Variants in SMG1 observed in about 807,000 individuals in gnomAD.
SMG1 encodes the protein SMG1 nonsense mediated mRNA decay associated PI3K related kinase.
A neutral mutation model predicts 419.9 loss-of-function variants in SMG1; 22 were observed. That is an observed-to-expected ratio of 0.05 (90% CI 0.04 to 0.07). The LOEUF is 0.07. SMG1 is among the 10% of genes least tolerant of loss of function. The pLI is 1.00. For missense variants in SMG1, 3,185 were observed against 4,342.0 expected, an observed-to-expected ratio of 0.73 and a Z score of 7.49; for synonymous variants, 1,538 against 1,553.5, an observed-to-expected ratio of 0.99 and a Z score of 0.23.
In SMG1 at chr16:18,815,248, G is replaced by T; in HGVS notation, c.10548C>A (p.Pro3516=). 1 of 1,591,062 alleles carries T rather than the reference G, an allele frequency of 6.3e-7. No homozygotes were observed. Among genetic ancestry groups the T allele is most frequent in the Non-Finnish European group, 8.6e-7 (1 of 1,167,938 alleles). Residue 3516 remains proline (P), a synonymous_variant, in exon 60 of 63, where the codon CCC becomes CCA. Coordinates refer to ENST00000446231, the MANE Select transcript of SMG1 (RefSeq NM_015092.5). ...ATTCATTTGTTGCATCGGTGACTAA[G>T]GGTGATGCAAAACTCACTAAATTAT... The part of the protein sequence containing the change: ...IYNNLVSFAS[P]LVTDATNECS...
At position 18,812,160 on chromosome 16, in the gene SMG1, T is replaced by G. The variant is rs190103824; in HGVS notation, c.10622-33A>C. On this transcript the variant is annotated intron_variant, in intron 60 of 62. Transcript: ENST00000446231. ...GAAAGAGTTGGTGGCTCAATTTACATGTAAACAGAACATGGAGGGGGCAGA... is the reference window on the plus strand; with the variant it reads ...GAAAGAGTTGGTGGCTCAATTTACAGGTAAACAGAACATGGAGGGGGCAGA... 21 of 1,594,932 alleles carry G rather than the reference T, an allele frequency of 1.3e-5. No individual in the cohort carries two copies. The African/African-American group carries it at 2.8e-4, about 21-fold the overall frequency.
At chr16:18,844,319 C>G (rs1294798637) in intron 39 of SMG1, among the ~76,000 whole-genome samples, 2 of 151,830 alleles carry the variant, frequency 1.3e-5, no homozygotes, top group Non-Finnish European at 2.9e-5. Context: ...ATCCCAGCTA[C>G]ACGGGAGGCT....
intron 1 of SMG1, chr16:18,911,604 A>G (rs914985602): frequency 6.6e-6 from 1 of 151,498 alleles, no homozygotes; most frequent in African/African-American, 2.4e-5. Context: ...AACAGTTTTA[A>G]AAATAATTTC....
intron 55 of SMG1, 111 bp from the exon 56 acceptor site, chr16:18,819,765 G>C: frequency 9.0e-7 from 1 of 1,116,906 alleles, no homozygotes; most frequent in Non-Finnish European, 1.2e-6. Flanking sequence ...GTGGACACAT[G>C]TAATTTAGAA....
intron 1 of SMG1, among the ~76,000 whole-genome samples, chr16:18,904,825 C>T (rs1479271302): frequency 2.0e-5 from 3 of 151,586 alleles, no homozygotes; most frequent in Non-Finnish European, 4.4e-5. Context: ...ATCCCAGCTA[C>T]TCAGGAGGCT....
At chr16:18,820,819 A>C (rs1478526582) in intron 55 of SMG1, among the ~76,000 whole-genome samples, 2 of 152,236 alleles carry the variant, frequency 1.3e-5, no homozygotes, top group African/African-American at 2.4e-5. Context: ...ACTTGATTTT[A>C]TACTGCTATT....
At chr16:18,844,961 C>A (rs879092835) in intron 39 of SMG1, among the ~76,000 whole-genome samples, 2 of 152,196 alleles carry the variant, frequency 1.3e-5, no homozygotes, top group African/African-American at 4.8e-5. Flanking sequence ...AATCATCCCA[C>A]GCAGCATATG....
chr16:18,852,835 A>G (rs2034675724), intron 31 of SMG1, among the ~76,000 whole-genome samples: 1 of 152,336 alleles, frequency 6.6e-6, no homozygotes. Context: ...GGCAAAAATA[A>G]TAAATAGGTG....
chr16:18,914,358 G>T (rs1367633482), intron 1 of SMG1, among the ~76,000 whole-genome samples: 1 of 151,952 alleles, frequency 6.6e-6, no homozygotes, highest in African/African-American at 2.4e-5. Context: ...TAATATGAAA[G>T]AAGTAATTCA....
rs760461778 is a variant in SMG1 at position 18,841,559 on chromosome 16, A to G, written c.6696+6T>C. 1.2e-6 allele frequency: 2 copies of G among 1,612,264 alleles called. No homozygotes were observed. Among genetic ancestry groups the G allele is most frequent in the Non-Finnish European group, 1.7e-6 (2 of 1,178,660 alleles). ...ACTAATACACTGTGTAGATGATTTA[A>G]TCAACCTTTTGTGCTTGTAAGGCAG... On this transcript the variant is annotated splice_donor_region_variant and intron_variant, in intron 41 of 62. Transcript: ENST00000446231.
chr16:18,816,765 T>G (rs2032038021), intron 57 of SMG1, among the ~76,000 whole-genome samples: 1 of 152,234 alleles, frequency 6.6e-6, no homozygotes, highest in African/African-American at 2.4e-5. Flanking sequence ...GCTTAAAGTT[T>G]AAGACCTGAG....
intron 6 of SMG1, among the ~76,000 whole-genome samples, chr16:18,887,516 C>CTTTGTGTTTTT (rs749197007): frequency 9.1e-6 from 1 of 110,140 alleles, no homozygotes; most frequent in African/African-American, 3.4e-5. Flanking sequence ...TTTTTTTTTC[C>CTTTGTGTTTTT]TTTTTTTTTT....
At chr16:18,887,546 G>A (rs551132333) in intron 6 of SMG1, among the ~76,000 whole-genome samples, 1 of 75,922 alleles carries the variant, frequency 1.3e-5, no homozygotes, top group Admixed American at 1.7e-4. Context: ...TAGAAACAGG[G>A]TTTCACCATG....
intron 1 of SMG1, among the ~76,000 whole-genome samples, chr16:18,901,166 TTAAC>T (rs763892831): frequency 2.0e-5 from 3 of 152,308 alleles, no homozygotes; most frequent in East Asian, 1.9e-4. Context: ...TAAAACTAGT[TTAAC>T]TACCTCAGTA....
At position 18,829,572 on chromosome 16, in the gene SMG1, AGT is replaced by A; in HGVS notation, c.9315_9316del (p.Leu3106ValfsTer29). On this transcript the variant is annotated frameshift_variant, in exon 54 of 63. Transcript: ENST00000446231. LOFTEE classifies it high-confidence loss of function. ...ACCCAGAGCACTGATAAAACTGCACAGTGTGAGTCCGAGGGCTTGGTTGGGTA... is the reference window on the plus strand; with the variant it reads ...ACCCAGAGCACTGATAAAACTGCACAGTGAGTCCGAGGGCTTGGTTGGGTA... 1 of 1,614,062 alleles carries A rather than the reference AGT, an allele frequency of 6.2e-7. No individual in the cohort carries two copies. The highest frequency in any genetic ancestry group is 8.5e-7 in the Non-Finnish European group (1 of 1,179,892).
intron 6 of SMG1, among the ~76,000 whole-genome samples, chr16:18,888,818 ATCTTTTTTTT>A (rs2036752442): frequency 8.8e-6 from 1 of 113,726 alleles, no homozygotes. Flanking sequence ...TTCAACATGT[ATCTTTTTTTT>A]TTTTTTTTTT....
intron 55 of SMG1, 99 bp from the exon 56 acceptor site, chr16:18,819,753 G>T (rs547056207): frequency 2.7e-5 from 32 of 1,196,530 alleles, no homozygotes; most frequent in Admixed American, 6.7e-5. Context: ...AAAAGAACCA[G>T]GGTGGACACA....
At chr16:18,919,551 G>T (rs1482897938) in intron 1 of SMG1, among the ~76,000 whole-genome samples, 1 of 151,322 alleles carries the variant, frequency 6.6e-6, no homozygotes, top group African/African-American at 2.4e-5. Flanking sequence ...GTGAACCCGG[G>T]AAGCAGAGCT....
Position 18,817,385 on chromosome 16 carries a change from A to C in SMG1, c.9980T>G (p.Phe3327Cys), listed in dbSNP as rs532581672. 1 of 1,609,828 alleles carries C rather than the reference A, an allele frequency of 6.2e-7. No individual in the cohort carries two copies. Among genetic ancestry groups the C allele is most frequent in the East Asian group, 2.2e-5 (1 of 44,816 alleles). ...AEALNLDAAL[F>C]ELIKRCQQMC... ...CTGCTGACATCGCTTGATTAGTTCA[A>C]ATAACGCCGCATCCAGGTTTAAGGC... The change falls in exon 57 of 63, where the codon TTT becomes TGT. Residue 3327 changes from phenylalanine (F) to cysteine (C), a missense_variant. This residue lies in a region of SMG1 where 737 missense variants were observed against 846.6 expected (regional missense o/e 0.87). Coordinates refer to ENST00000446231, the MANE Select transcript of SMG1 (RefSeq NM_015092.5).
Sources: allele counts gnomAD v4.1 joint callset (sites outside exome capture counted in the v4.1 genomes callset), GRCh38; gene constraint gnomAD v4.1.1; regional missense constraint gnomAD v4.1.1; transcripts MANE v1.5; gene names NCBI Gene and HGNC (gene_info 2026-07-23, HGNC 2026-07-21).